Variants in KATNA1 observed in about 807,000 individuals in gnomAD.
The protein encoded by KATNA1 is katanin p60 ATPase-containing subunit A1.
KATNA1 carries 42 observed loss-of-function variants against 62.6 expected under a neutral mutation model. The ratio of observed to expected loss-of-function variants is 0.67; its 90% CI spans 0.52 to 0.87. The LOEUF is 0.87. KATNA1 is among the 40% of genes least tolerant of loss of function. KATNA1 has a pLI of 0.00. For missense variants in KATNA1, 498 were observed against 612.5 expected (o/e 0.81, Z 1.97); for synonymous variants, 186 against 201.9 (o/e 0.92, Z 0.67).
At chr6:149,606,900 G>A (rs1459259254) in intron 4 of KATNA1, among the ~76,000 whole-genome samples, 1 of 152,160 alleles carries the variant, frequency 6.6e-6, no homozygotes, top group Non-Finnish European at 1.5e-5. Context: ...GATTACAGGG[G>A]TGAGCCACCA....
chr6:149,643,362 A>G (rs561736084), intron 1 of KATNA1, among the ~76,000 whole-genome samples: 2 of 152,338 alleles, frequency 1.3e-5, no homozygotes, highest in Admixed American at 6.5e-5. Flanking sequence ...CCAGTGAAAC[A>G]GTGAAAGAGA....
intron 3 of KATNA1, among the ~76,000 whole-genome samples, chr6:149,624,607 T>C (rs1185138849): frequency 6.6e-6 from 1 of 151,926 alleles, no homozygotes; most frequent in African/African-American, 2.4e-5. Context: ...ATCAAACCCC[T>C]GGGCTCAATC....
At chr6:149,623,042 A>ATT in intron 4 of KATNA1, 61 bp downstream of exon 4, 1 of 1,230,050 alleles carries the variant, frequency 8.1e-7, no homozygotes, top group Non-Finnish European at 1.1e-6. Context: ...ATAAATTTGT[A>ATT]CAGTCTTCAT....
At chr6:149,626,235 T>G (rs975168420) in intron 3 of KATNA1, among the ~76,000 whole-genome samples, 7 of 150,548 alleles carry the variant, frequency 4.6e-5, no homozygotes, top group African/African-American at 1.7e-4. Flanking sequence ...TGTACAAACC[T>G]TTTTTTGTCA....
At chr6:149,601,499 C>G in intron 7 of KATNA1, 95 bp downstream of exon 7, 1 of 1,123,214 alleles carries the variant, frequency 8.9e-7, no homozygotes, top group Non-Finnish European at 1.2e-6. Context: ...AAAATGGCAT[C>G]CTGCCTAACT....
chr6:149,596,484 G>A (rs1197358373), intron 10 of KATNA1, among the ~76,000 whole-genome samples: 1 of 152,164 alleles, frequency 6.6e-6, no homozygotes, highest in Non-Finnish European at 1.5e-5. Flanking sequence ...GCAGTGAGCC[G>A]AGATCGGACC....
intron 4 of KATNA1, among the ~76,000 whole-genome samples, chr6:149,618,729 A>G (rs933608193): frequency 6.6e-6 from 1 of 152,220 alleles, no homozygotes; most frequent in Non-Finnish European, 1.5e-5. Context: ...ACACTGGAGC[A>G]AGTGCAGTGT....
In KATNA1 at chr6:149,603,324, C is replaced by A; in HGVS notation, c.673G>T (p.Val225Leu). ...VEAKKLLKEA[V>L]VLPMWMPEFF... ...TCGGGCATCCACATTGGTAACACTA[C>A]GGCTTCCTTAAGCAACTTTTTAGCT... Residue 225 changes from valine to leucine, a missense_variant, in exon 6 of 11, where the codon GTA (valine) becomes TTA (leucine). Around this residue, in one of 3 missense-constraint regions of KATNA1, gnomAD observed 267 missense variants for 372.6 expected, o/e 0.72. Transcript: ENST00000367411. The A allele has an allele frequency of 6.2e-7, 1 of 1,603,102 alleles. No homozygotes were observed.
At chr6:149,595,327 G>A in intron 10 of KATNA1, 93 bp from the exon 11 acceptor site, 2 of 851,378 alleles carry the variant, frequency 2.3e-6, no homozygotes, top group South Asian at 1.7e-5. Flanking sequence ...TTGATCTGTT[G>A]TAGCATTCTC....
intron 3 of KATNA1, among the ~76,000 whole-genome samples, chr6:149,630,858 A>G (rs1387472001): frequency 6.6e-6 from 1 of 152,192 alleles, no homozygotes; most frequent in African/African-American, 2.4e-5. Context: ...TAGGACTGCT[A>G]CAGCAGAGAG....
At chr6:149,634,275 A>AAAAATAAAAT (rs377557364) in intron 2 of KATNA1, among the ~76,000 whole-genome samples, 20,242 of 133,842 alleles carry the variant, frequency 0.15, 2,048 homozygotes, top group East Asian at 0.38. Flanking sequence ...TCCATCTCAA[A>AAAAATAAAAT]AAAATAAAAT....
Position 149,622,227 on chromosome 6 carries a change from G to A in KATNA1, c.501+876C>T, listed in dbSNP as rs190664728. On this transcript the variant is annotated intron_variant, in intron 4 of 10. Transcript: ENST00000367411. ...GGCTCACTGCAAGCTCCGCCTCTCG[G>A]GTTCACGCCATTCTCCTGCCTCAGC... Among the ~76,000 whole-genome samples the A allele has an allele frequency of 3.8e-3, 584 of 151,970 alleles. 3 individuals are homozygous for A. Among genetic ancestry groups the A allele is most frequent in the Admixed American group, 6.7e-3 (102 of 15,246 alleles).
chr6:149,603,694 C>T (rs566392919), intron 5 of KATNA1, among the ~76,000 whole-genome samples: 19 of 152,174 alleles, frequency 1.2e-4, no homozygotes, highest in African/African-American at 3.4e-4. Context: ...TCCATAATCT[C>T]CATGATTTAG....
intron 4 of KATNA1, among the ~76,000 whole-genome samples, chr6:149,612,054 A>G (rs1778982758): frequency 6.6e-6 from 1 of 152,122 alleles, no homozygotes; most frequent in Admixed American, 6.6e-5. Context: ...CATAAATTTG[A>G]CAACTTGGAT....
chr6:149,608,774 G>T (rs967098177), intron 4 of KATNA1, among the ~76,000 whole-genome samples: 1 of 152,108 alleles, frequency 6.6e-6, no homozygotes, highest in Non-Finnish European at 1.5e-5. Flanking sequence ...CAGTGTCCCT[G>T]GAGAGCGTGT....
intron 1 of KATNA1, among the ~76,000 whole-genome samples, chr6:149,639,893 G>A (rs1467456588): frequency 1.3e-5 from 2 of 152,180 alleles, no homozygotes; most frequent in African/African-American, 4.8e-5. Context: ...GAGACTATAT[G>A]ATCCTTGCAT....
rs114259295 is a variant in KATNA1, at chr6:149,634,176, G to C, written c.163-1260C>G. Among the ~76,000 whole-genome samples the C allele has an allele frequency of 4.7e-3, 712 of 151,608 alleles. 8 individuals are homozygous for C. Among genetic ancestry groups the C allele is most frequent in the African/African-American group, 0.017 (697 of 41,244 alleles). On this transcript the variant is annotated intron_variant, in intron 2 of 10. Transcript: ENST00000367411. Reference sequence around the variant, plus strand: ...GAATCTCAGCTACTTGGGAGGCCGAGCCACAACAATCGCTTGAACCCAGGA... The same window carrying C: ...GAATCTCAGCTACTTGGGAGGCCGACCCACAACAATCGCTTGAACCCAGGA...
chr6:149,596,890 C>G (rs1276419077), intron 10 of KATNA1, among the ~76,000 whole-genome samples, 173 bp downstream of exon 10: 3 of 152,014 alleles, frequency 2.0e-5, no homozygotes, highest in African/African-American at 7.2e-5. Context: ...ATAAAAACTT[C>G]ACGTCAGAGG....
upstream of KATNA1, chr6:149,648,953 C>G (rs1234536571): frequency 6.6e-6 from 1 of 152,330 alleles, no homozygotes; most frequent in Non-Finnish European, 1.5e-5. Flanking sequence ...TCACCACACT[C>G]ACACACACAC....
Sources: gnomAD v4.1 joint callset for allele counts (sites outside exome capture counted in the v4.1 genomes callset) on GRCh38, gnomAD v4.1.1 for gene constraint, gnomAD v4.1.1 regional missense constraint, MANE v1.5 for transcripts, NCBI Gene and HGNC (gene_info 2026-07-23, HGNC 2026-07-21) for gene names.